FREM1: variants seen among roughly 807,000 people sequenced by gnomAD.
FREM1 encodes FRAS1 related extracellular matrix 1.
Under a neutral mutation model 210.1 loss-of-function variants are expected in FREM1, and 220 were observed. That is an observed-to-expected ratio of 1.05 (90% CI 0.94 to 1.17). FREM1 has a LOEUF of 1.17. Among genes scored for constraint, FREM1 ranks in the 50% most tolerant of loss-of-function variants. FREM1 has a pLI of 0.00. For missense variants in FREM1, 3,454 were observed against 2,675.5 expected (o/e 1.29, Z -6.42); for synonymous variants, 1,189 against 980.2 (o/e 1.21, Z -3.98).
chr9:14,825,548 T>TGTGTGTGTGTGTATATATATATAC (rs1554685284), intron 10 of FREM1, among the ~76,000 whole-genome samples: 5 of 43,292 alleles, frequency 1.2e-4, no homozygotes, highest in Non-Finnish European at 2.4e-4. Context: ...TGTGTGTGTG[T>TGTGTGTGTGTGTATATATATATAC]ATATATATAT....
chr9:14,781,305 T>C (rs573497707), intron 24 of FREM1, among the ~76,000 whole-genome samples: 7 of 152,336 alleles, frequency 4.6e-5, no homozygotes, highest in African/African-American at 1.4e-4. Context: ...CAATGCTAGC[T>C]TTCCTATGTG....
In FREM1 at chr9:14,857,729, A is replaced by T. The variant is rs1240357181; in HGVS notation, c.652T>A (p.Cys218Ser). 8.1e-6 allele frequency: 13 copies of T among 1,605,624 alleles called. No homozygotes were observed. The highest frequency in any genetic ancestry group is 1.1e-5 in the Non-Finnish European group (13 of 1,175,934). ...PESQLRAKLK[C>S]PGGSCTPGLK... ...CCTGGGGTACAGCTCCCACCTGGAC[A>T]CTTCAGTTTTGCTCTCAGTTCTAGA... The change falls in exon 5 of 37, where the codon TGT (cysteine) becomes AGT (serine). Residue 218 changes from cysteine to serine, a missense_variant. By Grantham distance (112) the Cys-to-Ser change is moderately radical. Coordinates refer to ENST00000380880, the MANE Select transcript of FREM1 (RefSeq NM_001379081.2).
At chr9:14,804,863 G>GT in intron 19 of FREM1, 93 bp downstream of exon 19, 1 of 868,168 alleles carries the variant, frequency 1.2e-6, no homozygotes, top group East Asian at 2.5e-5. Flanking sequence ...CCAATGCAAT[G>GT]TGTTAATGCA....
intron 3 of FREM1, among the ~76,000 whole-genome samples, chr9:14,861,316 T>TAC (rs1830489113): frequency 9.2e-6 from 1 of 108,922 alleles, no homozygotes; most frequent in Non-Finnish European, 1.7e-5. Flanking sequence ...TATATACATA[T>TAC]ATACACATAT....
Position 14,859,379 on chromosome 9 carries a change from A to C in FREM1, c.435T>G (p.Pro145=). The C allele has an allele frequency of 1.2e-6, 2 of 1,613,946 alleles. No individual in the cohort carries two copies. The highest frequency in any genetic ancestry group is 1.7e-6 in the Non-Finnish European group (2 of 1,179,826). The change falls in exon 4 of 37, where the codon CCT becomes CCG. Residue 145 remains proline, a synonymous_variant. Coordinates refer to ENST00000380880, the MANE Select transcript of FREM1 (RefSeq NM_001379081.2). The part of the protein sequence containing the change: ...IHMSNNVLEV[P]EFNGLSQAID... The stretch of plus-strand genomic sequence containing the variant: ...TCGCTTGGGACAAGCCATTGAATTC[A>C]GGCACCTCCAGCACATTGTTACTCA...
intron 36 of FREM1, 52 bp from the exon 37 acceptor site, chr9:14,737,647 G>C: frequency 7.4e-7 from 1 of 1,346,198 alleles, no homozygotes; most frequent in East Asian, 2.6e-5. Context: ...TTTATACTTA[G>C]ATATCATATC....
rs576431811 is a variant in FREM1 at position 14,831,323 on chromosome 9, G to A, written c.1882-6331C>T. 2.6e-5 allele frequency among the ~76,000 whole-genome samples: 4 copies of A among 152,306 alleles called. No homozygotes were observed. The South Asian group carries it at 8.3e-4, about 32-fold the overall frequency. On this transcript the variant is annotated intron_variant, in intron 10 of 36. Coordinates refer to ENST00000380880, the MANE Select transcript of FREM1 (RefSeq NM_001379081.2). ...ATGTGCAAAGATTTTTACAGTCTAG[G>A]AACAAAGTTACAGCGAGGTTACTTG... is the stretch of plus-strand genomic sequence containing the variant.
In FREM1 at chr9:14,842,533, A is replaced by G. The variant is rs779955636; in HGVS notation, c.1521T>C (p.Arg507=). The change falls in exon 9 of 37, where the codon CGT becomes CGC. Residue 507 remains arginine (R), a synonymous_variant. Coordinates refer to ENST00000380880, the MANE Select transcript of FREM1 (RefSeq NM_001379081.2). ...FRIFDGHHSI[R]HKFPINVLPK... is the part of the protein sequence containing the mutation. Reference sequence around the variant, plus strand: ...GCAAGACGTTGATGGGGAATTTGTGACGGATGCTGTGATGGCCATCAAATA... The same window carrying G: ...GCAAGACGTTGATGGGGAATTTGTGGCGGATGCTGTGATGGCCATCAAATA... 2 of 1,613,962 alleles carry G rather than the reference A, an allele frequency of 1.2e-6. No homozygotes were observed. The highest frequency in any genetic ancestry group is 1.7e-6 in the Non-Finnish European group (2 of 1,179,844).
At chr9:14,739,837 A>C (rs996294882) in intron 36 of FREM1, among the ~76,000 whole-genome samples, 2 of 152,032 alleles carry the variant, frequency 1.3e-5, no homozygotes, top group African/African-American at 4.8e-5. Flanking sequence ...ACTATAATTT[A>C]TTTAACCATT....
rs187742893 is a variant in FREM1 at position 14,826,657 on chromosome 9, A to C, written c.1882-1665T>G. ...AATTTAAGTTGAAACTTAATTTCCA[A>C]TACAAGATTAGTAAGAGGCAGGGCC... On this transcript the variant is annotated intron_variant, in intron 10 of 36. Coordinates refer to ENST00000380880, the MANE Select transcript of FREM1 (RefSeq NM_001379081.2). 2.0e-5 allele frequency among the ~76,000 whole-genome samples: 3 copies of C among 152,220 alleles called. No homozygotes were observed. The South Asian group carries it at 6.2e-4, about 32-fold the overall frequency.
chr9:14,762,626 G>A (rs1017100778), intron 27 of FREM1, among the ~76,000 whole-genome samples: 16 of 151,972 alleles, frequency 1.1e-4, no homozygotes, highest in East Asian at 7.7e-4. Context: ...AAAATTATTC[G>A]CTACAAATAA....
At position 14,824,890 on chromosome 9, in the gene FREM1, T is replaced by C; in HGVS notation, c.1984A>G (p.Thr662Ala). ...TCTATAAAATGTAGCTGTTTCTTAG[T>C]TATATAGGCCACCTCAGTTTCCTTG... The part of the protein sequence containing the change: ...VVKETEVAYI[T>A]KKQLHFIDSE... The change falls in exon 11 of 37, where the codon ACT becomes GCT. Residue 662 changes from threonine to alanine, a missense_variant. Coordinates refer to ENST00000380880, the MANE Select transcript of FREM1 (RefSeq NM_001379081.2). 1 of 1,613,436 alleles carries C rather than the reference T, an allele frequency of 6.2e-7. No homozygotes were observed. The highest frequency in any genetic ancestry group is 8.5e-7 in the Non-Finnish European group (1 of 1,179,610).
chr9:14,859,430 C>T lies in FREM1; in HGVS notation c.384G>A (p.Leu128=), dbSNP rs768158424. ...IETFILWVYL[L]EPDCNIIHMS... is the part of the protein sequence containing the mutation. ...TATGGATGATGTTACAGTCTGGTTC[C>T]AGGAGATAGACCCACAGGATAAAAG... Residue 128 remains leucine (L), a synonymous_variant, in exon 4 of 37, where the codon CTG becomes CTA. Transcript: ENST00000380880. The T allele has an allele frequency of 7.4e-6, 12 of 1,613,880 alleles. No individual in the cohort carries two copies. The highest frequency in any genetic ancestry group is 1.0e-5 in the Non-Finnish European group (12 of 1,179,786).
rs114304402 is a variant in FREM1 at position 14,839,995 on chromosome 9, G to A, written c.1881+1452C>T. 5.0e-3 allele frequency among the ~76,000 whole-genome samples: 763 copies of A among 152,326 alleles called. 5 individuals are homozygous for A. The highest frequency in any genetic ancestry group is 0.018 in the African/African-American group (738 of 41,572). Reference sequence around the variant, plus strand: ...AAGGAATTGACCTGTTAGTCAAAGAGCAGATGAACTGAGTTTTCTCATTCA... The same window carrying A: ...AAGGAATTGACCTGTTAGTCAAAGAACAGATGAACTGAGTTTTCTCATTCA... On this transcript the variant is annotated intron_variant, in intron 10 of 36. Transcript: ENST00000380880.
At chr9:14,888,556 G>A (rs1327949340) in intron 1 of FREM1, among the ~76,000 whole-genome samples, 2 of 152,168 alleles carry the variant, frequency 1.3e-5, no homozygotes, top group African/African-American at 4.8e-5. Flanking sequence ...GAGATACCCT[G>A]TCTACCAGCA....
rs146680227 is a variant in FREM1, at chr9:14,806,545, C to T, written c.3274+116G>A. The T allele has an allele frequency of 4.9e-4, 331 of 681,978 alleles. 1 individual carries two copies. In the African/African-American group the frequency reaches 5.1e-3, roughly 10 times the overall value. The allele number at this position is 681,978 out of a possible 1,614,324, so 42.2% of individuals were successfully genotyped here. A position where few individuals can be genotyped will look rare whatever the true frequency, so the allele number is the denominator to read the frequency against. On this transcript the variant is annotated intron_variant, in intron 18 of 36. Transcript: ENST00000380880. ...CTGGGATTACAGGCATCAGCCACCA[C>T]GCCCGGTGCTTTAAACATTTTGAAA...
At chr9:14,899,576 A>G (rs1838404103) in intron 1 of FREM1, among the ~76,000 whole-genome samples, 1 of 152,228 alleles carries the variant, frequency 6.6e-6, no homozygotes, top group Admixed American at 6.5e-5. Flanking sequence ...AGAAAATTAC[A>G]TCGTATAAGA....
At chr9:14,847,617 T>C (rs1826931022) in intron 7 of FREM1, among the ~76,000 whole-genome samples, 1 of 152,086 alleles carries the variant, frequency 6.6e-6, no homozygotes, top group South Asian at 2.1e-4. Context: ...TTAACATTGG[T>C]TATATCTTCA....
chr9:14,792,900 T>C lies in FREM1; in HGVS notation c.3840-16A>G. On this transcript the variant is annotated splice_polypyrimidine_tract_variant and intron_variant, in intron 21 of 36. Coordinates refer to ENST00000380880, the MANE Select transcript of FREM1 (RefSeq NM_001379081.2). ...TTCAGCCTTCCTGTAAAAAGAAAAA[T>C]GTCTGGGTTGATATAAAAATAGAAG... is the stretch of plus-strand genomic sequence containing the variant. 6.5e-7 allele frequency: 1 copy of C among 1,533,436 alleles called. No homozygotes were observed. Among genetic ancestry groups the C allele is most frequent in the Non-Finnish European group, 8.8e-7 (1 of 1,133,558 alleles). The allele number at this position is 1,533,436 out of a possible 1,614,324, so 95.0% of individuals were successfully genotyped here.
Sources: gnomAD v4.1 joint callset for allele counts (sites outside exome capture counted in the v4.1 genomes callset) on GRCh38, gnomAD v4.1.1 for gene constraint, MANE v1.5 for transcripts, NCBI Gene and HGNC (gene_info 2026-07-23, HGNC 2026-07-21) for gene names.